Variants in EBF2 observed in about 807,000 individuals in gnomAD.
The protein encoded by EBF2 is transcription factor COE2.
Under a neutral mutation model 72.8 loss-of-function variants are expected in EBF2, and 21 were observed. That is an observed-to-expected ratio of 0.29 (90% CI 0.20 to 0.42). The LOEUF (loss-of-function observed/expected upper bound fraction) is 0.42, where lower values mean the gene tolerates loss of function less well. Among genes scored for constraint, EBF2 ranks in the 10% least tolerant of loss-of-function variants. EBF2 has a pLI of 1.00. For missense variants in EBF2, 637 were observed against 731.2 expected, an observed-to-expected ratio of 0.87 and a Z score of 1.49; for synonymous variants, 299 against 274.2, an observed-to-expected ratio of 1.09 and a Z score of -0.89.
chr8:26,011,797 C>G (rs911409428), intron 6 of EBF2, among the ~76,000 whole-genome samples: 5 of 151,916 alleles, frequency 3.3e-5, no homozygotes, highest in Admixed American at 6.6e-5. Flanking sequence ...ATAGAATTTA[C>G]TTGAACTTTT....
At chr8:26,002,872 GGGCA>G (rs1395083116) in intron 6 of EBF2, among the ~76,000 whole-genome samples, 11 of 81,962 alleles carry the variant, frequency 1.3e-4, no homozygotes, top group Non-Finnish European at 3.1e-4. Context: ...GCGGGCAGGC[GGGCA>G]GGCGGGCAGG....
At chr8:25,852,389 T>TAGGAGGCCCTGATTCTACC (rs1802000467) in intron 14 of EBF2, among the ~76,000 whole-genome samples, 1 of 152,176 alleles carries the variant, frequency 6.6e-6, no homozygotes, top group South Asian at 2.1e-4. Context: ...AGCTGGGACT[T>TAGGAGGCCCTGATTCTACC]AGGAGGCCCT....
chr8:25,905,336 G>A (rs1433406449), intron 7 of EBF2, among the ~76,000 whole-genome samples: 2 of 152,164 alleles, frequency 1.3e-5, no homozygotes, highest in Non-Finnish European at 2.9e-5. Flanking sequence ...TCTGTTCTTA[G>A]TTGTATACCC....
intron 6 of EBF2, among the ~76,000 whole-genome samples, chr8:25,915,328 C>T (rs979110634): frequency 2.0e-5 from 3 of 151,224 alleles, no homozygotes; most frequent in African/African-American, 7.3e-5. Context: ...CACTGTTTCA[C>T]AGGACAACTG....
At chr8:25,994,608 G>GA (rs1165537740) in intron 6 of EBF2, among the ~76,000 whole-genome samples, 16 of 152,136 alleles carry the variant, frequency 1.1e-4, no homozygotes, top group South Asian at 2.1e-4. Context: ...ATGCAGCCAT[G>GA]AAAAAAGAAC....
chr8:25,900,591 T>G (rs1802935733), intron 7 of EBF2, among the ~76,000 whole-genome samples: 1 of 152,162 alleles, frequency 6.6e-6, no homozygotes, highest in African/African-American at 2.4e-5. Flanking sequence ...TAAAAATGAT[T>G]ATTCTGGTGG....
At chr8:26,038,875 A>C (rs1338817301) in intron 5 of EBF2, among the ~76,000 whole-genome samples, 2 of 152,240 alleles carry the variant, frequency 1.3e-5, no homozygotes, top group Non-Finnish European at 2.9e-5. Flanking sequence ...GGAGGGAGAC[A>C]GGGCTTCAGG....
chr8:25,976,838 T>C (rs1339863452), intron 6 of EBF2, among the ~76,000 whole-genome samples: 1 of 152,152 alleles, frequency 6.6e-6, no homozygotes, highest in East Asian at 1.9e-4. Flanking sequence ...AATCGGATAA[T>C]AAAGGGTTTA....
At chr8:25,880,138 T>C (rs903943949) in intron 10 of EBF2, among the ~76,000 whole-genome samples, 5 of 152,182 alleles carry the variant, frequency 3.3e-5, no homozygotes, top group Non-Finnish European at 7.3e-5. Context: ...CAAAATAAAT[T>C]TTTGCTGAAT....
At chr8:25,916,303 CA>C (rs1373647131) in intron 6 of EBF2, among the ~76,000 whole-genome samples, 1 of 140,528 alleles carries the variant, frequency 7.1e-6, no homozygotes, top group African/African-American at 2.6e-5. Flanking sequence ...AAAAAAAAAG[CA>C]AAAAACCCAA....
intron 6 of EBF2, among the ~76,000 whole-genome samples, chr8:25,992,261 G>T (rs1412351670): frequency 7.0e-6 from 1 of 143,542 alleles, no homozygotes; most frequent in African/African-American, 2.6e-5. Context: ...TTGAATCTGG[G>T]AGGCAGAGGT....
At chr8:26,034,448 A>T (rs909941344) in intron 5 of EBF2, among the ~76,000 whole-genome samples, 1 of 152,196 alleles carries the variant, frequency 6.6e-6, no homozygotes, top group Non-Finnish European at 1.5e-5. Context: ...GATAAAGAAG[A>T]TCCCCTGGGG....
chr8:26,012,489 C>G (rs1805040963), intron 6 of EBF2, among the ~76,000 whole-genome samples: 1 of 152,144 alleles, frequency 6.6e-6, no homozygotes, highest in Admixed American at 6.6e-5. Context: ...TATTCTCATT[C>G]TTGCCTTCTT....
In EBF2 at chr8:25,899,113, C is replaced by T. The variant is rs531281588; in HGVS notation, c.634-9244G>A. Among the ~76,000 whole-genome samples the T allele has an allele frequency of 2.0e-3, 305 of 152,202 alleles. 1 individual carries two copies. Among genetic ancestry groups the T allele is most frequent in the African/African-American group, 5.5e-3 (228 of 41,518 alleles). On this transcript the variant is annotated intron_variant, in intron 7 of 15. Transcript: ENST00000520164. ...TCCTGATTCTTGTCCCCATTCAAGACACCAAAATTTAGGGGTGGAGGCAGC... is the reference window on the plus strand; with the variant it reads ...TCCTGATTCTTGTCCCCATTCAAGATACCAAAATTTAGGGGTGGAGGCAGC...
chr8:25,861,305 T>A lies in EBF2; in HGVS notation c.1164+4A>T. ...CAATAAAGGATAGGATGTCAGTATC[T>A]CACCTGGTTATTGTGTGGTGTGCCA... On this transcript the variant is annotated splice_donor_region_variant and intron_variant, in intron 12 of 15. Transcript: ENST00000520164. 1.2e-6 allele frequency: 2 copies of A among 1,614,202 alleles called. No homozygotes were observed. The highest frequency in any genetic ancestry group is 1.7e-6 in the Non-Finnish European group (2 of 1,180,034).
chr8:26,040,300 A>G (rs1805576576), intron 4 of EBF2, among the ~76,000 whole-genome samples, 199 bp from the exon 5 acceptor site: 1 of 152,166 alleles, frequency 6.6e-6, no homozygotes, highest in East Asian at 1.9e-4. Context: ...CCCCAGTGAG[A>G]ACATCATTCT....
intron 6 of EBF2, among the ~76,000 whole-genome samples, chr8:25,987,099 G>T (rs1585217469): frequency 6.6e-6 from 1 of 152,136 alleles, no homozygotes; most frequent in African/African-American, 2.4e-5. Context: ...AGAAGAGGAA[G>T]ATAAGGCTAA....
chr8:25,887,000 C>CCAGT, intron 9 of EBF2, 119 bp from the exon 10 acceptor site: 7 of 1,095,934 alleles, frequency 6.4e-6, no homozygotes, highest in Non-Finnish European at 8.9e-6. Context: ...CTGCTCTACT[C>CCAGT]TAACTGGAGT....
intron 6 of EBF2, among the ~76,000 whole-genome samples, chr8:25,940,286 A>G (rs1268606182): frequency 6.6e-6 from 1 of 152,176 alleles, no homozygotes; most frequent in South Asian, 2.1e-4. Context: ...GCCTCACAGT[A>G]GTCTTCTGAG....
Sources: allele counts gnomAD v4.1 joint callset (sites outside exome capture counted in the v4.1 genomes callset), GRCh38; gene constraint gnomAD v4.1.1; transcripts MANE v1.5; gene names NCBI Gene and HGNC (gene_info 2026-07-23, HGNC 2026-07-21).